Variants in BMERB1 observed in about 807,000 individuals in gnomAD.
BMERB1 encodes the protein bMERB domain-containing protein 1.
A neutral mutation model predicts 23.6 loss-of-function variants in BMERB1; 12 were observed. The observed-to-expected ratio is 0.51, with a 90% CI of 0.33 to 0.82. BMERB1 has a LOEUF of 0.82. Ranked by LOEUF, BMERB1 falls within the 40% of genes least tolerant of loss-of-function variation. BMERB1 has a pLI of 0.03. For missense variants in BMERB1, 247 were observed against 255.4 expected (o/e 0.97, Z 0.22); for synonymous variants, 122 against 96.6 (o/e 1.26, Z -1.54).
intron 2 of BMERB1, among the ~76,000 whole-genome samples, chr16:15,555,144 G>A (rs2030216813): frequency 6.6e-6 from 1 of 152,060 alleles, no homozygotes; most frequent in South Asian, 2.1e-4. Context: ...GTGTGATCAT[G>A]GCTCACCCAG....
intron 1 of BMERB1, among the ~76,000 whole-genome samples, chr16:15,477,955 T>G (rs2051287637): frequency 6.6e-6 from 1 of 152,180 alleles, no homozygotes; most frequent in Non-Finnish European, 1.5e-5. Context: ...CTGGGAAGAA[T>G]GACACTACTG....
chr16:15,475,227 G>A (rs1173476545), intron 1 of BMERB1, among the ~76,000 whole-genome samples: 1 of 152,160 alleles, frequency 6.6e-6, no homozygotes, highest in Non-Finnish European at 1.5e-5. Flanking sequence ...TTGATGCAGG[G>A]TGAGGGCAGA....
At chr16:15,440,025 G>A (rs2050925950) in intron 1 of BMERB1, among the ~76,000 whole-genome samples, 1 of 152,010 alleles carries the variant, frequency 6.6e-6, no homozygotes, top group South Asian at 2.1e-4. Context: ...TGGGCGGATC[G>A]CTTGAGGTCA....
At chr16:15,563,492 T>C (rs1476607952) in intron 2 of BMERB1, among the ~76,000 whole-genome samples, 2 of 152,034 alleles carry the variant, frequency 1.3e-5, no homozygotes, top group Non-Finnish European at 1.5e-5. Flanking sequence ...GTGCTGGGAT[T>C]ACAGGTATGA....
chr16:15,501,126 C>T (rs369139795), intron 1 of BMERB1, among the ~76,000 whole-genome samples: 4 of 151,776 alleles, frequency 2.6e-5, no homozygotes, highest in Admixed American at 6.6e-5. Flanking sequence ...AAATTAATCT[C>T]GCCCATTTCT....
chr16:15,469,972 A>G (rs571462739), intron 1 of BMERB1, among the ~76,000 whole-genome samples: 9 of 152,138 alleles, frequency 5.9e-5, no homozygotes, highest in African/African-American at 9.6e-5. Flanking sequence ...TATGCCTTTT[A>G]TTTCTTTTTC....
intron 1 of BMERB1, among the ~76,000 whole-genome samples, chr16:15,475,170 A>G (rs1255951317): frequency 6.6e-6 from 1 of 152,012 alleles, no homozygotes; most frequent in South Asian, 2.1e-4. Flanking sequence ...ACTGCGCTCT[A>G]CTGCTGCTGG....
intron 1 of BMERB1, among the ~76,000 whole-genome samples, chr16:15,457,771 A>G (rs939688245): frequency 2.0e-5 from 3 of 152,192 alleles, no homozygotes; most frequent in African/African-American, 7.2e-5. Context: ...GTATTAGTCC[A>G]TTCTCACGCT....
chr16:15,444,620 C>A (rs931696312), intron 1 of BMERB1, among the ~76,000 whole-genome samples: 1 of 152,118 alleles, frequency 6.6e-6, no homozygotes, highest in African/African-American at 2.4e-5. Context: ...GTTTTGCAGA[C>A]GATATTTATT....
chr16:15,526,545 T>C (rs946680145), intron 2 of BMERB1, among the ~76,000 whole-genome samples: 4 of 150,716 alleles, frequency 2.7e-5, no homozygotes, highest in African/African-American at 9.8e-5. Context: ...ATGCCTGTAG[T>C]CCCAGCTAGT....
intron 1 of BMERB1, among the ~76,000 whole-genome samples, chr16:15,470,315 T>C (rs1448821188): frequency 6.6e-6 from 1 of 152,194 alleles, no homozygotes; most frequent in African/African-American, 2.4e-5. Context: ...ATACCTGGAT[T>C]GTCCCACTTA....
At chr16:15,574,110 C>T (rs527912515) in intron 3 of BMERB1, among the ~76,000 whole-genome samples, 3 of 151,206 alleles carry the variant, frequency 2.0e-5, no homozygotes, top group East Asian at 1.9e-4. Flanking sequence ...AGGAAACTTA[C>T]AATCATGGTG....
intron 1 of BMERB1, among the ~76,000 whole-genome samples, chr16:15,498,020 A>C (rs965129012): frequency 6.6e-6 from 1 of 152,148 alleles, no homozygotes; most frequent in African/African-American, 2.4e-5. Context: ...CTTAACCTCC[A>C]TACCAACCCT....
chr16:15,530,773 A>AT (rs2051958921), intron 2 of BMERB1, among the ~76,000 whole-genome samples: 1 of 152,066 alleles, frequency 6.6e-6, no homozygotes, highest in African/African-American at 2.4e-5. Flanking sequence ...AGCATCTGGC[A>AT]TTTCCCCTGC....
rs545983760 is a variant in BMERB1 at position 15,473,225 on chromosome 16, A to G, written c.106+38466A>G. On this transcript the variant is annotated intron_variant, in intron 1 of 5. Coordinates refer to ENST00000300006, the MANE Select transcript of BMERB1 (RefSeq NM_033201.3). ...GTACATAAGTACCCAAATAAGATAA[A>G]ACTAAAGTTCCAAGCCTTCTTCTGT... is the stretch of plus-strand genomic sequence containing the variant. Among the ~76,000 whole-genome samples, 380 of 151,998 alleles carry G rather than the reference A, an allele frequency of 2.5e-3. 5 individuals carry two copies. Among genetic ancestry groups the G allele is most frequent in the African/African-American group, 8.9e-3 (367 of 41,466 alleles).
At chr16:15,496,758 T>G (rs2150941484) in intron 1 of BMERB1, among the ~76,000 whole-genome samples, 1 of 152,274 alleles carries the variant, frequency 6.6e-6, no homozygotes, top group South Asian at 2.1e-4. Context: ...CAGGATGGTC[T>G]TGATCTCCTG....
chr16:15,495,431 T>C (rs1037999019), intron 1 of BMERB1, among the ~76,000 whole-genome samples: 7 of 151,888 alleles, frequency 4.6e-5, no homozygotes, highest in Admixed American at 4.6e-4. Flanking sequence ...AGTGGCATGA[T>C]CTTGGCTCAC....
intron 2 of BMERB1, among the ~76,000 whole-genome samples, chr16:15,536,379 C>G (rs1013642549): frequency 6.6e-6 from 1 of 152,188 alleles, no homozygotes; most frequent in Admixed American, 6.5e-5. Flanking sequence ...CCCTCTGCCA[C>G]TCCATCTTAA....
intron 2 of BMERB1, among the ~76,000 whole-genome samples, chr16:15,557,578 G>T (rs766609090): frequency 6.6e-6 from 1 of 152,172 alleles, no homozygotes; most frequent in Non-Finnish European, 1.5e-5. Context: ...AATGTCTTCA[G>T]CTGCAAGTAA....
Sources: gnomAD v4.1 joint callset for allele counts (sites outside exome capture counted in the v4.1 genomes callset) on GRCh38, gnomAD v4.1.1 for gene constraint, MANE v1.5 for transcripts, NCBI Gene and HGNC (gene_info 2026-07-23, HGNC 2026-07-21) for gene names.